Variants in ZNF385D observed in about 807,000 individuals in gnomAD.
ZNF385D encodes the protein zinc finger protein 659.
A neutral mutation model predicts 35.8 loss-of-function variants in ZNF385D; 15 were observed. The ratio of observed to expected loss-of-function variants is 0.42; its 90% CI spans 0.28 to 0.64. The LOEUF (loss-of-function observed/expected upper bound fraction) is 0.64, where lower values mean the gene tolerates loss of function less well. Ranked by LOEUF, ZNF385D falls within the 30% of genes least tolerant of loss-of-function variation. The probability of loss-of-function intolerance (pLI) is 0.23; values close to 1 mark genes in which losing one functional copy is unlikely to be tolerated. For missense variants in ZNF385D, 474 were observed against 494.6 expected, an observed-to-expected ratio of 0.96 and a Z score of 0.39; for synonymous variants, 212 against 186.8, an observed-to-expected ratio of 1.13 and a Z score of -1.10.
At chr3:21,941,659 G>A (rs4270525) in intron 3 of ZNF385D, among the ~76,000 whole-genome samples, 39,673 of 151,452 alleles carry the variant, frequency 0.26, 5,885 homozygotes, top group Admixed American at 0.41. Flanking sequence ...CACCACGTCC[G>A]GATAATTTTT....
At chr3:21,992,675 A>G (rs2125398390) in intron 3 of ZNF385D, among the ~76,000 whole-genome samples, 1 of 152,322 alleles carries the variant, frequency 6.6e-6, no homozygotes, top group Middle Eastern at 3.4e-3. Flanking sequence ...TCCATGTAAT[A>G]TGATGAGCAT....
At chr3:21,513,685 A>G (rs1259573341) in intron 3 of ZNF385D, among the ~76,000 whole-genome samples, 1 of 152,108 alleles carries the variant, frequency 6.6e-6, no homozygotes, top group Admixed American at 6.6e-5. Flanking sequence ...GTTGGGGTGG[A>G]AGTGGGCATA....
intron 3 of ZNF385D, among the ~76,000 whole-genome samples, chr3:21,980,129 G>A (rs776933869): frequency 6.6e-6 from 1 of 152,154 alleles, no homozygotes; most frequent in Non-Finnish European, 1.5e-5. Context: ...CAGCCTTATA[G>A]AGAGGCTCTT....
intron 5 of ZNF385D, among the ~76,000 whole-genome samples, chr3:21,434,905 CT>C (rs1701474253): frequency 1.3e-5 from 2 of 152,090 alleles, no homozygotes; most frequent in Admixed American, 6.6e-5. Flanking sequence ...AGAGAGAACA[CT>C]CTTATAAGGG....
At chr3:21,470,635 C>A (rs1703823268) in intron 4 of ZNF385D, among the ~76,000 whole-genome samples, 1 of 152,068 alleles carries the variant, frequency 6.6e-6, no homozygotes, top group Non-Finnish European at 1.5e-5. Flanking sequence ...AAATGGTTTT[C>A]CCAGCGTTTA....
At chr3:21,973,227 T>C (rs1576048409) in intron 3 of ZNF385D, among the ~76,000 whole-genome samples, 1 of 152,070 alleles carries the variant, frequency 6.6e-6, no homozygotes, top group Non-Finnish European at 1.5e-5. Context: ...CATGACCAAG[T>C]TGGACTTTTT....
chr3:22,038,325 T>A (rs1698461295), intron 3 of ZNF385D, among the ~76,000 whole-genome samples: 1 of 152,054 alleles, frequency 6.6e-6, no homozygotes, highest in Non-Finnish European at 1.5e-5. Context: ...ATCCCTGGAG[T>A]CGAATTGCCT....
chr3:22,089,447 G>C (rs1038674688), intron 3 of ZNF385D, among the ~76,000 whole-genome samples: 4 of 152,218 alleles, frequency 2.6e-5, no homozygotes, highest in Non-Finnish European at 4.4e-5. Context: ...CCTGGTACCT[G>C]TGAGTTCCCA....
At chr3:22,034,111 G>A (rs1208527178) in intron 3 of ZNF385D, among the ~76,000 whole-genome samples, 1 of 152,114 alleles carries the variant, frequency 6.6e-6, no homozygotes, top group Non-Finnish European at 1.5e-5. Flanking sequence ...TGGACTGAAT[G>A]TTTGTGTTCC....
chr3:22,188,338 C>G (rs1400037711), intron 2 of ZNF385D, among the ~76,000 whole-genome samples: 6 of 152,116 alleles, frequency 3.9e-5, no homozygotes, highest in Non-Finnish European at 7.3e-5. Context: ...CTAAATCCTA[C>G]CTATAATAGT....
At chr3:21,772,577 G>T (rs113532968) in intron 3 of ZNF385D, among the ~76,000 whole-genome samples, 3 of 151,946 alleles carry the variant, frequency 2.0e-5, no homozygotes, top group African/African-American at 7.2e-5. Flanking sequence ...ATGAAGAGGA[G>T]GAGAAATTGA....
At chr3:22,139,553 G>C (rs1474259199) in intron 3 of ZNF385D, among the ~76,000 whole-genome samples, 1 of 151,606 alleles carries the variant, frequency 6.6e-6, no homozygotes, top group Admixed American at 6.6e-5. Context: ...CTCATAGGTG[G>C]GAATTGAACA....
chr3:21,428,687 A>G (rs911029958), intron 5 of ZNF385D, among the ~76,000 whole-genome samples: 4 of 151,944 alleles, frequency 2.6e-5, no homozygotes, highest in African/African-American at 9.7e-5. Flanking sequence ...ACATCATGTA[A>G]ACATCTTGCA....
intron 3 of ZNF385D, among the ~76,000 whole-genome samples, chr3:21,900,207 T>G (rs867602306): frequency 6.6e-6 from 1 of 152,176 alleles, no homozygotes; most frequent in Non-Finnish European, 1.5e-5. Flanking sequence ...AAGGGAAACA[T>G]TGAATGTTGG....
At chr3:21,661,637 G>A (rs918800164) in intron 2 of ZNF385D, among the ~76,000 whole-genome samples, 7 of 152,162 alleles carry the variant, frequency 4.6e-5, no homozygotes, top group African/African-American at 1.4e-4. Context: ...TGGGAAATAC[G>A]TGAGGAATTC....
At chr3:21,615,793 A>AGT (rs144521609) in intron 2 of ZNF385D, among the ~76,000 whole-genome samples, 2,770 of 145,332 alleles carry the variant, frequency 0.019, 41 homozygotes, top group Non-Finnish European at 0.027. Context: ...ATGGAGAAAG[A>AGT]GTGTGTGTGT....
At chr3:21,818,671 A>G (rs2073266036) in intron 3 of ZNF385D, among the ~76,000 whole-genome samples, 1 of 152,150 alleles carries the variant, frequency 6.6e-6, no homozygotes, top group Non-Finnish European at 1.5e-5. Context: ...CTCCATGGGC[A>G]TATGGAGGAA....
rs61678164 is a variant in ZNF385D at position 22,046,594 on chromosome 3, C to T, written c.325+122223G>A. 6.0e-3 allele frequency among the ~76,000 whole-genome samples: 915 copies of T among 151,936 alleles called. 11 individuals carry two copies. The highest frequency in any genetic ancestry group is 0.021 in the African/African-American group (873 of 41,488). ...AATATTAATGAAGCATCATTTTTTT[C>T]CTTTCATCTTCATTCATATAAGCAA... On this transcript the variant is annotated intron_variant, in intron 3 of 5. Transcript: ENST00000494108.
chr3:22,026,558 C>A (rs929135497), intron 3 of ZNF385D, among the ~76,000 whole-genome samples: 3 of 152,194 alleles, frequency 2.0e-5, no homozygotes, highest in African/African-American at 7.2e-5. Context: ...TCAGGTCCTA[C>A]TTACAGCAGA....
Sources: allele counts gnomAD v4.1 joint callset (sites outside exome capture counted in the v4.1 genomes callset), GRCh38; gene constraint gnomAD v4.1.1; transcripts MANE v1.5; gene names NCBI Gene and HGNC (gene_info 2026-07-23, HGNC 2026-07-21).